The following TLR5 variants were observed in gnomAD, a reference collection of about 807,000 sequenced individuals.
The protein encoded by TLR5 is toll-like receptor 5.
For missense variants in TLR5, 944 were observed against 999.8 expected (o/e 0.94, Z 0.75); for synonymous variants, 373 against 384.4 (o/e 0.97, Z 0.35).
chr1:223,114,643 A>G lies in TLR5; in HGVS notation c.-4-1608T>C, dbSNP rs565996887. Among the ~76,000 whole-genome samples, 456 of 152,316 alleles carry G rather than the reference A, an allele frequency of 3.0e-3. 1 individual carries two copies. The highest frequency in any genetic ancestry group is 5.0e-3 in the Non-Finnish European group (339 of 68,024). ...GGCTGATGTATGGTGGGGTTTCCAC[A>G]GAAACTGGGAGGCTGTGGCACACAA... On this transcript the variant is annotated intron_variant, in intron 5 of 5. Transcript: ENST00000642603.
intron 3 of TLR5, among the ~76,000 whole-genome samples, chr1:223,135,783 A>G (rs1210272226): frequency 6.6e-6 from 1 of 152,196 alleles, no homozygotes; most frequent in Non-Finnish European, 1.5e-5. Flanking sequence ...ATAGTGGAAA[A>G]TGATGTTATT....
intron 4 of TLR5, among the ~76,000 whole-genome samples, chr1:223,132,851 TG>T (rs927808079): frequency 2.6e-5 from 4 of 152,200 alleles, no homozygotes; most frequent in African/African-American, 9.6e-5. Context: ...GAGAAATCTC[TG>T]GCCCAGCCTC....
chr1:223,111,273 G>A lies in TLR5; in HGVS notation c.1759C>T (p.Leu587Phe). 6.2e-7 allele frequency: 1 copy of A among 1,614,156 alleles called. No individual in the cohort carries two copies. The highest frequency in any genetic ancestry group is 8.5e-7 in the Non-Finnish European group (1 of 1,180,026). ...TTAAGCCAATTGATAAAAGTGCTAA[G>A]TTCACATTCACAAATGAACTTGTTA... ...THNKFICECELSTFINWLNHT... is the reference protein window; with the variant it reads ...THNKFICECEFSTFINWLNHT... Residue 587 changes from leucine (L) to phenylalanine (F), a missense_variant, in exon 6 of 6, where the codon CTT (leucine) becomes TTT (phenylalanine). Transcript: ENST00000642603.
chr1:223,121,680 G>A (rs1656961432), intron 5 of TLR5, among the ~76,000 whole-genome samples: 2 of 152,172 alleles, frequency 1.3e-5, no homozygotes, highest in African/African-American at 2.4e-5. Flanking sequence ...CACCATGCTA[G>A]CTAATTTTTG....
At chr1:223,117,463 G>A (rs1161458408) in intron 5 of TLR5, among the ~76,000 whole-genome samples, 4 of 150,978 alleles carry the variant, frequency 2.6e-5, no homozygotes, top group Non-Finnish European at 5.9e-5. Flanking sequence ...GAGAGTGAGC[G>A]AGGGCTGCCA....
rs372824352 is a variant in TLR5 at position 223,131,447 on chromosome 1, C to T, written c.-5+1028G>A. On this transcript the variant is annotated intron_variant, in intron 5 of 5. Coordinates refer to ENST00000642603, the MANE Select transcript of TLR5 (RefSeq NM_003268.6). The surrounding 1 kb of genome is among the most constrained non-coding windows in gnomAD (Gnocchi z 4.2). The stretch of plus-strand genomic sequence containing the variant: ...GGCTGGTCCTGGGGCTTGGAATGCT[C>T]GTGAATGTCTCATCTGCTCATCCCA... Among the ~76,000 whole-genome samples the T allele has an allele frequency of 3.3e-5, 5 of 152,240 alleles. No homozygotes were observed. Among genetic ancestry groups the T allele is most frequent in the Admixed American group, 2.6e-4 (4 of 15,282 alleles).
intron 5 of TLR5, chr1:223,128,860 A>G (rs1454933807): frequency 6.6e-6 from 1 of 152,112 alleles, no homozygotes; most frequent in African/African-American, 2.4e-5. Context: ...GCTTCTTCCT[A>G]GCCTCCGATT....
In TLR5 at chr1:223,117,198, C is replaced by T. The variant is rs181239549; in HGVS notation, c.-4-4163G>A. Among the ~76,000 whole-genome samples the T allele has an allele frequency of 3.0e-3, 450 of 152,230 alleles. 2 individuals are homozygous for T. Among genetic ancestry groups the T allele is most frequent in the Middle Eastern group, 0.01 (3 of 294 alleles). ...GGGGCCCCCTTCGCAGCTCCTGGCC[C>T]GGGTGCTAAGCCCCTCACTGCCCCT... On this transcript the variant is annotated intron_variant, in intron 5 of 5. Coordinates refer to ENST00000642603, the MANE Select transcript of TLR5 (RefSeq NM_003268.6).
At chr1:223,142,345 G>A (rs966902530) in intron 1 of TLR5, among the ~76,000 whole-genome samples, 3 of 152,158 alleles carry the variant, frequency 2.0e-5, no homozygotes, top group South Asian at 4.2e-4. Context: ...GGACACTAGG[G>A]TTACTCTGCT....
Position 223,112,351 on chromosome 1 carries a change from C to G in TLR5, c.681G>C (p.Val227=). ...TTCCAGAAACATCTAGTATCTCCAG[C>G]ACCATGTTTCTGAATGGGTTCATAC... ...GKCMNPFRNM[V]LEILDVSGNG... Residue 227 remains valine, a synonymous_variant, in exon 6 of 6, where the codon GTG becomes GTC. Coordinates refer to ENST00000642603, the MANE Select transcript of TLR5 (RefSeq NM_003268.6). 6.2e-7 allele frequency: 1 copy of G among 1,614,246 alleles called. No homozygotes were observed. Among genetic ancestry groups the G allele is most frequent in the Non-Finnish European group, 8.5e-7 (1 of 1,180,054 alleles).
intron 5 of TLR5, among the ~76,000 whole-genome samples, chr1:223,119,458 C>T (rs113604696): frequency 1.3e-3 from 201 of 152,080 alleles, no homozygotes; most frequent in African/African-American, 4.7e-3. Context: ...TTCTAAGCTC[C>T]CCAACTGACT....
chr1:223,143,081 C>A (rs533177206), intron 1 of TLR5, 115 bp downstream of exon 1: 52 of 152,296 alleles, frequency 3.4e-4, no homozygotes, highest in African/African-American at 1.2e-3. Context: ...TAGACCCGGA[C>A]AGCCCGGGAG....
rs1657267154 is a variant in TLR5 at position 223,128,558 on chromosome 1, T to C, written c.-5+3917A>G. ...ACAATGTGGGAGTGAGGCAGTAGAATAGGGTCTGGAGGCAGGGAACCTAAG... is the reference window on the plus strand; with the variant it reads ...ACAATGTGGGAGTGAGGCAGTAGAACAGGGTCTGGAGGCAGGGAACCTAAG... On this transcript the variant is annotated intron_variant, in intron 5 of 5. Coordinates refer to ENST00000642603, the MANE Select transcript of TLR5 (RefSeq NM_003268.6). The C allele has an allele frequency of 2.6e-5, 4 of 151,718 alleles. No individual in the cohort carries two copies. The South Asian group carries it at 6.4e-4, about 24-fold the overall frequency. The allele number at this position is 151,718 out of a possible 1,614,324, so 9.4% of individuals were successfully genotyped here. A position where few individuals can be genotyped will look rare whatever the true frequency, so the allele number is the denominator to read the frequency against.
At chr1:223,124,009 CAGTT>C (rs1657054250) in intron 5 of TLR5, 1 of 152,238 alleles carries the variant, frequency 6.6e-6, no homozygotes, top group Non-Finnish European at 1.5e-5. Flanking sequence ...ATTACATCTA[CAGTT>C]AGTTCTTCTA....
rs1167192046 is a variant in TLR5, at chr1:223,110,027, GT to G, written c.*427del. Reference sequence around the variant, plus strand: ...AGGAAATGTGCCTCTGCTTCTGTTTGTTTTCTACTTAATGTTGTTTTGCAGA... The same window carrying G: ...AGGAAATGTGCCTCTGCTTCTGTTTGTTTCTACTTAATGTTGTTTTGCAGA... On this transcript the variant is annotated 3_prime_UTR_variant, in exon 6 of 6. Coordinates refer to ENST00000642603, the MANE Select transcript of TLR5 (RefSeq NM_003268.6). 1 of 200,966 alleles carries G rather than the reference GT, an allele frequency of 5.0e-6. No individual in the cohort carries two copies. Among genetic ancestry groups the G allele is most frequent in the African/African-American group, 2.4e-5 (1 of 42,004 alleles). The allele number at this position is 200,966 out of a possible 1,614,324, so 12.4% of individuals were successfully genotyped here.
chr1:223,136,250 G>A (rs1657607995), intron 3 of TLR5, among the ~76,000 whole-genome samples: 1 of 152,242 alleles, frequency 6.6e-6, no homozygotes, highest in African/African-American at 2.4e-5. Context: ...TCTGGAAGCA[G>A]TGAGGACTTG....
At chr1:223,121,773 G>C (rs1382140675) in intron 5 of TLR5, among the ~76,000 whole-genome samples, 1 of 152,186 alleles carries the variant, frequency 6.6e-6, no homozygotes, top group South Asian at 2.1e-4. Context: ...GCCCACCTCG[G>C]CCTCCCAAAC....
Position 223,111,822 on chromosome 1 carries a change from T to C in TLR5, c.1210A>G (p.Ser404Gly), listed in dbSNP as rs935738997. The change falls in exon 6 of 6, where the codon AGC becomes GGC. Residue 404 changes from serine (S) to glycine (G), a missense_variant. By Grantham distance (56) the Ser-to-Gly change is moderately conservative (BLOSUM62 0). Transcript: ENST00000642603. ...CCACTCAAGAAGATATCGGGTATGC[T>C]TGGAATAAAATGAATGGTTGTAAGA... Reference protein sequence around the residue: ...NALTTIHFIPSIPDIFLSGNK... With the variant: ...NALTTIHFIPGIPDIFLSGNK... The C allele has an allele frequency of 6.2e-7, 1 of 1,614,092 alleles. No homozygotes were observed. Among genetic ancestry groups the C allele is most frequent in the East Asian group, 2.2e-5 (1 of 44,872 alleles).
At chr1:223,117,608 A>G (rs1229819540) in intron 5 of TLR5, among the ~76,000 whole-genome samples, 1 of 151,840 alleles carries the variant, frequency 6.6e-6, no homozygotes, top group Admixed American at 6.5e-5. Context: ...AAAAGGAAAG[A>G]GTATGTTGAA....
Sources: gnomAD v4.1 joint callset for allele counts (sites outside exome capture counted in the v4.1 genomes callset) on GRCh38, gnomAD v4.1.1 for gene constraint, Gnocchi (gnomAD v3.1) non-coding constraint, MANE v1.5 for transcripts, NCBI Gene and HGNC (gene_info 2026-07-23, HGNC 2026-07-21) for gene names.